Variants in NEK1 observed in about 807,000 individuals in gnomAD.
NEK1 encodes NIMA related kinase 1.
In NEK1, 137 loss-of-function variants were observed where a neutral mutation model predicts 182.1. That is an observed-to-expected ratio of 0.75 (90% CI 0.65 to 0.87). NEK1 has a LOEUF of 0.87. Among genes scored for constraint, NEK1 ranks in the 40% least tolerant of loss-of-function variants. NEK1 has a pLI of 0.00. For missense variants in NEK1, 1,391 were observed against 1,494.4 expected, an observed-to-expected ratio of 0.93 and a Z score of 1.14; for synonymous variants, 513 against 492.2, an observed-to-expected ratio of 1.04 and a Z score of -0.56.
intron 2 of NEK1, 100 bp from the exon 3 acceptor site, chr4:169,602,778 T>C (rs1029599649): frequency 3.6e-6 from 2 of 550,688 alleles, no homozygotes; most frequent in South Asian, 5.4e-5. Flanking sequence ...AGTGATTTGC[T>C]AACATTTTAA....
At chr4:169,501,804 A>G (rs2149670906) in intron 23 of NEK1, among the ~76,000 whole-genome samples, 1 of 152,288 alleles carries the variant, frequency 6.6e-6, no homozygotes, top group East Asian at 1.9e-4. Context: ...TAATAGAAAG[A>G]TCTCAAATTA....
chr4:169,475,050 C>A (rs1013721982), intron 26 of NEK1, among the ~76,000 whole-genome samples: 1 of 152,004 alleles, frequency 6.6e-6, no homozygotes, highest in Non-Finnish European at 1.5e-5. Context: ...AAAACAAAAA[C>A]AAATGAGATG....
rs539980401 is a variant in NEK1 at position 169,466,299 on chromosome 4, T to C, written c.2435-2904A>G. 2.0e-5 allele frequency among the ~76,000 whole-genome samples: 3 copies of C among 151,930 alleles called. No individual in the cohort carries two copies. The East Asian group carries it at 5.8e-4, about 29-fold the overall frequency. ...AAGTTTGATGAAAACTATAAACTCA[T>C]AAATCCAAGATGCTCAACAAAACCC... On this transcript the variant is annotated intron_variant, in intron 26 of 35. Coordinates refer to ENST00000507142, the MANE Select transcript of NEK1 (RefSeq NM_001199397.3).
intron 6 of NEK1, among the ~76,000 whole-genome samples, chr4:169,589,851 TAAA>T (rs1479198831): frequency 6.6e-6 from 1 of 151,966 alleles, no homozygotes. Flanking sequence ...CTATCAAAAT[TAAA>T]AACTTTTGTG....
intron 27 of NEK1, among the ~76,000 whole-genome samples, chr4:169,456,575 A>T (rs1258993302): frequency 6.6e-6 from 1 of 152,236 alleles, no homozygotes; most frequent in African/African-American, 2.4e-5. Context: ...AGAAGCTACT[A>T]TGAGCAGCTG....
intron 35 of NEK1, 41 bp from the exon 36 acceptor site, chr4:169,394,564 G>A: frequency 7.9e-7 from 1 of 1,270,928 alleles, no homozygotes; most frequent in Non-Finnish European, 1.1e-6. Context: ...TTCAAATCAA[G>A]CTGTATCTAC....
In NEK1 at chr4:169,577,099, G is replaced by A. The variant is rs763049640; in HGVS notation, c.869-20C>T. On this transcript the variant is annotated intron_variant, in intron 11 of 35. Coordinates refer to ENST00000507142, the MANE Select transcript of NEK1 (RefSeq NM_001199397.3). ...TTTTAGCTAGATGAAAAGATACAAA[G>A]AATTTTGTCTGCAGTTCTTTACATT... is the stretch of plus-strand genomic sequence containing the variant. The A allele has an allele frequency of 6.2e-7, 1 of 1,612,424 alleles. No homozygotes were observed.
chr4:169,477,096 T>C (rs989656416), intron 26 of NEK1, 28 bp downstream of exon 26: 9 of 1,476,930 alleles, frequency 6.1e-6, no homozygotes, highest in East Asian at 2.4e-5. Flanking sequence ...TAGACCTAAA[T>C]AGGATATTAA....
At chr4:169,468,500 G>A (rs1745336945) in intron 26 of NEK1, among the ~76,000 whole-genome samples, 1 of 152,064 alleles carries the variant, frequency 6.6e-6, no homozygotes, top group Non-Finnish European at 1.5e-5. Context: ...AACAAACATT[G>A]AACTCTAATA....
At chr4:169,547,593 G>A (rs573072017) in intron 18 of NEK1, among the ~76,000 whole-genome samples, 9 of 152,134 alleles carry the variant, frequency 5.9e-5, no homozygotes, top group South Asian at 4.2e-4. Context: ...CATTCTCCCC[G>A]TCACTTTCAG....
intron 31 of NEK1, among the ~76,000 whole-genome samples, chr4:169,408,365 T>C (rs2111124606): frequency 6.6e-6 from 1 of 152,326 alleles, no homozygotes; most frequent in Non-Finnish European, 1.5e-5. Context: ...CAGTACTCCT[T>C]GATAGACTAG....
At chr4:169,414,352 C>T (rs1438966901) in intron 31 of NEK1, among the ~76,000 whole-genome samples, 1 of 151,868 alleles carries the variant, frequency 6.6e-6, no homozygotes, top group East Asian at 1.9e-4. Flanking sequence ...TTTATTACCA[C>T]CAAGAAGTAA....
intron 26 of NEK1, among the ~76,000 whole-genome samples, chr4:169,468,162 C>A (rs866412882): frequency 6.6e-6 from 1 of 151,780 alleles, no homozygotes; most frequent in Non-Finnish European, 1.5e-5. Flanking sequence ...ATGCTTTCAG[C>A]CAGAGGTGAG....
At chr4:169,408,019 TCA>T (rs145776644) in intron 31 of NEK1, among the ~76,000 whole-genome samples, 1,638 of 152,336 alleles carry the variant, frequency 0.011, 26 homozygotes, top group African/African-American at 0.037. Flanking sequence ...TCTGTAGAAT[TCA>T]CACTTTCCTT....
chr4:169,463,685 T>C (rs1453941716), intron 26 of NEK1, among the ~76,000 whole-genome samples: 1 of 152,192 alleles, frequency 6.6e-6, no homozygotes, highest in African/African-American at 2.4e-5. Flanking sequence ...ATCTCTTATC[T>C]GAAATGCTTG....
chr4:169,489,065 T>C (rs1749573046), intron 23 of NEK1, among the ~76,000 whole-genome samples: 1 of 152,168 alleles, frequency 6.6e-6, no homozygotes, highest in Non-Finnish European at 1.5e-5. Context: ...CCCAGTCTCA[T>C]TTTTTTCCCA....
intron 19 of NEK1, among the ~76,000 whole-genome samples, chr4:169,522,182 GATT>G (rs1158908609): frequency 1.3e-5 from 2 of 152,036 alleles, no homozygotes; most frequent in Non-Finnish European, 2.9e-5. Context: ...TCTTAATTTT[GATT>G]ATTGTGTTTT....
At chr4:169,591,773 C>T (rs748671498) in intron 5 of NEK1, among the ~76,000 whole-genome samples, 53 of 151,738 alleles carry the variant, frequency 3.5e-4, no homozygotes, top group Non-Finnish European at 5.3e-4. Flanking sequence ...TTAAGTCATA[C>T]GAAAAAGACT....
intron 19 of NEK1, among the ~76,000 whole-genome samples, chr4:169,514,905 TC>T (rs1561331191): frequency 6.6e-6 from 1 of 152,110 alleles, no homozygotes; most frequent in Admixed American, 6.6e-5. Flanking sequence ...CTCTTTTTTT[TC>T]CTAGTATTTT....
Sources: gnomAD v4.1 joint callset for allele counts (sites outside exome capture counted in the v4.1 genomes callset) on GRCh38, gnomAD v4.1.1 for gene constraint, MANE v1.5 for transcripts, NCBI Gene and HGNC (gene_info 2026-07-23, HGNC 2026-07-21) for gene names.